The following ZSCAN25 variants were observed in gnomAD, a reference collection of about 807,000 sequenced individuals.
ZSCAN25 encodes zinc finger and SCAN domain-containing protein 25.
A neutral mutation model predicts 38.7 loss-of-function variants in ZSCAN25; 27 were observed. The observed-to-expected ratio is 0.70, with a 90% CI of 0.51 to 0.96. The LOEUF (loss-of-function observed/expected upper bound fraction) is 0.96. ZSCAN25 is among the 40% of genes least tolerant of loss of function. ZSCAN25 has a pLI of 0.00. For synonymous variants in ZSCAN25, 273 were observed against 277.7 expected, an observed-to-expected ratio of 0.98 and a Z score of 0.17; for missense variants, 637 against 705.9, an observed-to-expected ratio of 0.90 and a Z score of 1.11.
At chr7:99,679,953 T>C in the ZSCAN25 span, 49 of 1,497,764 alleles carry the variant, frequency 3.3e-5, 2 homozygotes, top group East Asian at 1.4e-4. Flanking sequence ...TGAGTGCTGC[T>C]GTTTGCTGGG....
At chr7:99,676,550 C>A in the ZSCAN25 span, 14 of 1,359,906 alleles carry the variant, frequency 1.0e-5, no homozygotes, top group Non-Finnish European at 1.4e-5. Flanking sequence ...AGTAAGTGGA[C>A]TCTTCGCTGA....
At chr7:99,736,448 C>T in the ZSCAN25 span, among the ~76,000 whole-genome samples, 1 of 152,164 alleles carries the variant, frequency 6.6e-6, no homozygotes, top group Non-Finnish European at 1.5e-5. Flanking sequence ...AGAGATGAGG[C>T]CTGTAATAAC....
chr7:99,725,143 A>G, the ZSCAN25 span, among the ~76,000 whole-genome samples: 1 of 152,168 alleles, frequency 6.6e-6, no homozygotes, highest in Non-Finnish European at 1.5e-5. Context: ...ATGACAAGCT[A>G]AAGGAAACTA....
At chr7:99,698,528 T>C in the ZSCAN25 span, among the ~76,000 whole-genome samples, 1 of 152,192 alleles carries the variant, frequency 6.6e-6, no homozygotes, top group Non-Finnish European at 1.5e-5. Flanking sequence ...GATAACCTGC[T>C]AAGCAGGTAT....
chr7:99,697,270 C>T, the ZSCAN25 span, among the ~76,000 whole-genome samples: 1 of 152,128 alleles, frequency 6.6e-6, no homozygotes, highest in Non-Finnish European at 1.5e-5. Flanking sequence ...TTTGATGGGT[C>T]ATGTATGGAC....
chr7:99,639,718 T>G, the ZSCAN25 span, among the ~76,000 whole-genome samples: 1 of 152,102 alleles, frequency 6.6e-6, no homozygotes, highest in Non-Finnish European at 1.5e-5. Context: ...AGTGGCATAG[T>G]GGGGGAAAGC....
intron 7 of ZSCAN25, chr7:99,624,430 A>G: frequency 1.2e-5 from 6 of 517,234 alleles, no homozygotes; most frequent in Admixed American, 6.3e-5. Flanking sequence ...GAGGACCCCC[A>G]AACACCTACA....
chr7:99,642,326 C>T, the ZSCAN25 span, among the ~76,000 whole-genome samples: 1 of 152,114 alleles, frequency 6.6e-6, no homozygotes, highest in East Asian at 1.9e-4. Flanking sequence ...GGATGCTTGC[C>T]CTTGGAACAG....
chr7:99,627,194 T>C (rs1245709315), intron 7 of ZSCAN25, among the ~76,000 whole-genome samples: 1 of 152,242 alleles, frequency 6.6e-6, no homozygotes, highest in African/African-American at 2.4e-5. Flanking sequence ...TGTAAATACT[T>C]CAGCATTTGT....
chr7:99,622,606 A>C lies in ZSCAN25; in HGVS notation c.647A>C (p.Glu216Ala). ...CCCGCAGTGAATCCCAGAGACCAAG[A>C]GATGGCAGCTGGGTTCTTTACTGCT... The part of the protein sequence containing the change: ...GLPAVNPRDQ[E>A]MAAGFFTAGS... The change falls in exon 6 of 8, where the codon GAG (glutamate) becomes GCG (alanine). Residue 216 changes from glutamate to alanine, a missense_variant. Physicochemically the swap from Glu to Ala is moderately radical, Grantham distance 107. Coordinates refer to ENST00000394152, the MANE Select transcript of ZSCAN25 (RefSeq NM_145115.3). 4 of 1,614,202 alleles carry C rather than the reference A, an allele frequency of 2.5e-6. 1 individual carries two copies. The South Asian group carries it at 4.4e-5, about 18-fold the overall frequency.
chr7:99,629,572 C>T lies in ZSCAN25; in HGVS notation c.1187C>T (p.Thr396Ile). The change falls in exon 8 of 8, where the codon ACC (threonine) becomes ATC (isoleucine). Residue 396 changes from threonine (T) to isoleucine (I), a missense_variant. Physicochemically the swap from Thr to Ile is moderately conservative, Grantham distance 89. Coordinates refer to ENST00000394152, the MANE Select transcript of ZSCAN25 (RefSeq NM_145115.3). The surrounding 1 kb of genome is among the most constrained non-coding windows in gnomAD (Gnocchi z 5.6). ...GAATACCTGATGAAGCACCAGAGAA[C>T]CCACCTGGGAAAGAGGCCCTACGTG... ...LREYLMKHQR[T>I]HLGKRPYVCS... The T allele has an allele frequency of 3.1e-6, 5 of 1,614,220 alleles. No homozygotes were observed. The highest frequency in any genetic ancestry group is 2.2e-5 in the East Asian group (1 of 44,888).
At chr7:99,622,320 A>G (rs552065623) in intron 5 of ZSCAN25, 7 of 569,900 alleles carry the variant, frequency 1.2e-5, no homozygotes, top group East Asian at 9.2e-5. Context: ...GGCCGGGACA[A>G]TCTTGCCAGC....
the ZSCAN25 span, among the ~76,000 whole-genome samples, chr7:99,737,656 T>C: frequency 5.3e-5 from 8 of 152,250 alleles, no homozygotes; most frequent in Non-Finnish European, 8.8e-5. Flanking sequence ...TGTTTTCTTC[T>C]TTCCTCTAAA....
At chr7:99,692,688 G>A in the ZSCAN25 span, among the ~76,000 whole-genome samples, 14 of 151,894 alleles carry the variant, frequency 9.2e-5, no homozygotes, top group South Asian at 2.1e-4. Flanking sequence ...TGATCGAATC[G>A]GCTATTGAAG....
chr7:99,671,994 T>C, the ZSCAN25 span: 5 of 615,622 alleles, frequency 8.1e-6, no homozygotes, highest in Non-Finnish European at 1.4e-5. Context: ...GTCAATTTCC[T>C]GTACTATAGT....
At chr7:99,626,316 T>C (rs1807467241) in intron 7 of ZSCAN25, among the ~76,000 whole-genome samples, 1 of 152,176 alleles carries the variant, frequency 6.6e-6, no homozygotes, top group South Asian at 2.1e-4. Context: ...GTGAGGCCGC[T>C]GAGGAGTCCG....
chr7:99,635,561 A>G (rs1456973426), downstream of ZSCAN25, among the ~76,000 whole-genome samples: 2 of 152,186 alleles, frequency 1.3e-5, no homozygotes, highest in African/African-American at 4.8e-5. Context: ...CCAAATTTCA[A>G]ATATTTCCTT....
the ZSCAN25 span, among the ~76,000 whole-genome samples, chr7:99,669,626 A>C: frequency 6.6e-6 from 1 of 152,164 alleles, no homozygotes; most frequent in Non-Finnish European, 1.5e-5. Flanking sequence ...GCTAATTTAA[A>C]ATTTTATGCT....
At chr7:99,692,721 C>G in the ZSCAN25 span, among the ~76,000 whole-genome samples, 1 of 152,134 alleles carries the variant, frequency 6.6e-6, no homozygotes, top group African/African-American at 2.4e-5. Flanking sequence ...TCACGAAGTT[C>G]TTGTACCATG....
Sources: gnomAD v4.1 joint callset for allele counts (sites outside exome capture counted in the v4.1 genomes callset) on GRCh38, gnomAD v4.1.1 for gene constraint, Gnocchi (gnomAD v3.1) non-coding constraint, MANE v1.5 for transcripts, NCBI Gene and HGNC (gene_info 2026-07-23, HGNC 2026-07-21) for gene names.